Variants in WWOX observed in about 807,000 individuals in gnomAD.
The protein encoded by WWOX is WW domain-containing oxidoreductase.
WWOX carries 69 observed loss-of-function variants against 46.2 expected under a neutral mutation model. The ratio of observed to expected loss-of-function variants is 1.49; its 90% confidence interval spans 1.23 to 1.82. The LOEUF (loss-of-function observed/expected upper bound fraction) is 1.82, where lower values mean the gene tolerates loss of function less well. Ranked by LOEUF, WWOX falls within the 40% of genes most tolerant of loss-of-function variation. WWOX has a pLI of 0.00. For synonymous variants in WWOX, 359 were observed against 202.6 expected, an observed-to-expected ratio of 1.77 and a Z score of -6.56; for missense variants, 919 against 542.6, an observed-to-expected ratio of 1.69 and a Z score of -6.89.
chr16:78,569,726 G>C (rs11644885), intron 8 of WWOX, among the ~76,000 whole-genome samples: 24,908 of 152,170 alleles, frequency 0.16, 2,722 homozygotes, highest in African/African-American at 0.31. Flanking sequence ...AATTTCATTA[G>C]TGAACGTTTT....
In WWOX at chr16:78,190,955, C is replaced by T. The variant is rs143172037; in HGVS notation, c.516+26666C>T. On this transcript the variant is annotated intron_variant, in intron 5 of 8. Transcript: ENST00000566780. ...AGTCATCTGATCATTGTGTGACTTT[C>T]TCAAGGACCTTTACTTGAGTCTTGC... is the stretch of plus-strand genomic sequence containing the variant. Among the ~76,000 whole-genome samples, 730 of 152,272 alleles carry T rather than the reference C, an allele frequency of 4.8e-3. 4 individuals are homozygous for T. Among genetic ancestry groups the T allele is most frequent in the African/African-American group, 0.016 (679 of 41,548 alleles).
rs114694111 is a variant in WWOX at position 78,245,564 on chromosome 16, T to C, written c.516+81275T>C. Among the ~76,000 whole-genome samples, 311 of 152,302 alleles carry C rather than the reference T, an allele frequency of 2.0e-3. 2 individuals are homozygous for C. The highest frequency in any genetic ancestry group is 7.2e-3 in the African/African-American group (299 of 41,558). On this transcript the variant is annotated intron_variant, in intron 5 of 8. Coordinates refer to ENST00000566780, the MANE Select transcript of WWOX (RefSeq NM_016373.4). ...GGCCTTTTGATTTGAAATGTTGAGA[T>C]ACGAATGTATTCTAGATGGGCCAAA...
intron 8 of WWOX, among the ~76,000 whole-genome samples, chr16:79,152,185 C>A (rs566062144): frequency 7.9e-5 from 12 of 152,308 alleles, no homozygotes; most frequent in Admixed American, 3.3e-4. Context: ...ATCCCTCCCC[C>A]ACGCGAGGCG....
At chr16:78,728,929 T>C (rs1211586286) in intron 8 of WWOX, among the ~76,000 whole-genome samples, 1 of 152,086 alleles carries the variant, frequency 6.6e-6, no homozygotes, top group African/African-American at 2.4e-5. Flanking sequence ...TCCAACGGTG[T>C]GGAGAGATAG....
Position 78,607,644 on chromosome 16 carries a change from CTTTT to C in WWOX, c.1056+174903_1056+174906del, listed in dbSNP as rs4035989. Among the ~76,000 whole-genome samples, 334 of 141,566 alleles carry C rather than the reference CTTTT, an allele frequency of 2.4e-3. 1 individual carries two copies. Among genetic ancestry groups the C allele is most frequent in the South Asian group, 3.8e-3 (17 of 4,480 alleles). 92.9% of individuals were successfully genotyped at this position (141,566 alleles called of 152,430 possible). ...TAAGAGGAGTGACTCATTTGTTCTTCTTTTTTTTTTTTTTGGCTGTCTACAGAGA... is the reference window on the plus strand; with the variant it reads ...TAAGAGGAGTGACTCATTTGTTCTTCTTTTTTTTTTGGCTGTCTACAGAGA... On this transcript the variant is annotated intron_variant, in intron 8 of 8. Coordinates refer to ENST00000566780, the MANE Select transcript of WWOX (RefSeq NM_016373.4).
intron 8 of WWOX, among the ~76,000 whole-genome samples, chr16:79,111,049 A>G (rs537847515): frequency 2.6e-4 from 40 of 152,296 alleles, no homozygotes; most frequent in African/African-American, 9.6e-4. Context: ...ACCAGCAGAG[A>G]TCATTTGTAC....
intron 8 of WWOX, among the ~76,000 whole-genome samples, chr16:79,014,794 A>G (rs62040097): frequency 0.027 from 4,046 of 152,306 alleles, 83 homozygotes; most frequent in Non-Finnish European, 0.04. Flanking sequence ...GCTACTTACT[A>G]TGCTATTTTT....
rs115950789 is a variant in WWOX, at chr16:78,740,363, A to C, written c.1056+307611A>C. The stretch of plus-strand genomic sequence containing the variant: ...CAAGCAGCCTCTCTTGAAGCACAGT[A>C]AATGCTGACGTGATTTGTGAAGATG... On this transcript the variant is annotated intron_variant, in intron 8 of 8. Coordinates refer to ENST00000566780, the MANE Select transcript of WWOX (RefSeq NM_016373.4). Among the ~76,000 whole-genome samples, 1,388 of 152,254 alleles carry C rather than the reference A, an allele frequency of 9.1e-3. 22 individuals carry two copies. Among genetic ancestry groups the C allele is most frequent in the African/African-American group, 0.032 (1,331 of 41,542 alleles).
Position 78,687,502 on chromosome 16 carries a change from C to G in WWOX, c.1056+254750C>G, listed in dbSNP as rs1029856288. ...CATTTTATGATGCAGCTTCTCAGGGCGTCCTAATTGTGACTCTGCCTTGCC... is the reference window on the plus strand; with the variant it reads ...CATTTTATGATGCAGCTTCTCAGGGGGTCCTAATTGTGACTCTGCCTTGCC... On this transcript the variant is annotated intron_variant, in intron 8 of 8. Coordinates refer to ENST00000566780, the MANE Select transcript of WWOX (RefSeq NM_016373.4). 4.4e-4 allele frequency among the ~76,000 whole-genome samples: 67 copies of G among 152,214 alleles called. 1 individual carries two copies. The highest frequency in any genetic ancestry group is 1.5e-3 in the African/African-American group (63 of 41,538).
In WWOX at chr16:78,981,326, G is replaced by T. The variant is rs144027265; in HGVS notation, c.1057-230282G>T. Among the ~76,000 whole-genome samples the T allele has an allele frequency of 7.4e-4, 112 of 152,210 alleles. 1 individual carries two copies. Among genetic ancestry groups the T allele is most frequent in the East Asian group, 7.7e-4 (4 of 5,182 alleles). ...CGGGAATAACCAAAAATGCTGGGTG[G>T]GGGGGGAAAACGCCAGCAGATCTCT... On this transcript the variant is annotated intron_variant, in intron 8 of 8. Transcript: ENST00000566780.
At chr16:78,422,844 T>TACACACACACAC (rs370327902) in intron 6 of WWOX, among the ~76,000 whole-genome samples, 3 of 105,118 alleles carry the variant, frequency 2.9e-5, no homozygotes, top group African/African-American at 9.8e-5. Flanking sequence ...TATATACATA[T>TACACACACACAC]ACACACACAC....
intron 8 of WWOX, among the ~76,000 whole-genome samples, chr16:79,137,475 T>A (rs574243679): frequency 6.6e-6 from 1 of 152,326 alleles, no homozygotes; most frequent in African/African-American, 2.4e-5. Flanking sequence ...AAGTTTAGGA[T>A]TCTCTTCAGG....
intron 8 of WWOX, among the ~76,000 whole-genome samples, chr16:79,060,223 G>C (rs1227619707): frequency 1.3e-5 from 2 of 152,186 alleles, no homozygotes; most frequent in African/African-American, 4.8e-5. Context: ...CTTGAACTTG[G>C]TGAGATTCTA....
chr16:78,477,818 G>A (rs2084388493), intron 8 of WWOX, among the ~76,000 whole-genome samples: 1 of 152,042 alleles, frequency 6.6e-6, no homozygotes, highest in South Asian at 2.1e-4. Context: ...TAAATGGTGG[G>A]TTTCATCCAA....
intron 4 of WWOX, among the ~76,000 whole-genome samples, chr16:78,146,801 A>G (rs543914566): frequency 6.6e-6 from 1 of 152,160 alleles, no homozygotes; most frequent in East Asian, 1.9e-4. Flanking sequence ...AAAAGGTCAA[A>G]CTCGCAATGA....
intron 8 of WWOX, among the ~76,000 whole-genome samples, chr16:78,585,996 G>C (rs930241137): frequency 6.6e-6 from 1 of 151,986 alleles, no homozygotes. Context: ...CAGGAGGTTA[G>C]AGACCAGCCT....
chr16:79,127,740 G>A (rs2049789700), intron 8 of WWOX, among the ~76,000 whole-genome samples: 1 of 152,106 alleles, frequency 6.6e-6, no homozygotes, highest in African/African-American at 2.4e-5. Context: ...AGCAACATAC[G>A]ACAGTTAGGG....
At chr16:78,533,518 T>C (rs2738494) in intron 8 of WWOX, among the ~76,000 whole-genome samples, 129,034 of 152,130 alleles carry the variant, frequency 0.85, 55,373 homozygotes, top group East Asian at 1. Context: ...GCCCACCAGC[T>C]ATGGTTTGGA....
intron 8 of WWOX, among the ~76,000 whole-genome samples, chr16:78,728,814 A>G (rs1016086575): frequency 1.6e-4 from 25 of 152,200 alleles, no homozygotes; most frequent in African/African-American, 2.4e-5. Flanking sequence ...CTAATATGCT[A>G]TGGGACCTCA....
Sources: gnomAD v4.1 joint callset for allele counts (sites outside exome capture counted in the v4.1 genomes callset) on GRCh38, gnomAD v4.1.1 for gene constraint, MANE v1.5 for transcripts, NCBI Gene and HGNC (gene_info 2026-07-23, HGNC 2026-07-21) for gene names.